The following ENOX2 variants were observed in gnomAD, a reference collection of about 807,000 sequenced individuals.
The protein encoded by ENOX2 is APK1 antigen.
A neutral mutation model predicts 45.0 loss-of-function variants in ENOX2; 36 were observed. That is an observed-to-expected ratio of 0.80 (90% CI 0.61 to 1.06). ENOX2 has a LOEUF of 1.06. Among genes scored for constraint, ENOX2 ranks in the 50% least tolerant of loss-of-function variants. ENOX2 has a pLI of 0.00. For missense variants in ENOX2, 423 were observed against 462.5 expected, an observed-to-expected ratio of 0.91 and a Z score of 0.78; for synonymous variants, 174 against 152.3, an observed-to-expected ratio of 1.14 and a Z score of -1.05.
At chrX:130,673,551 T>C (rs182587592) in intron 6 of ENOX2, among the ~76,000 whole-genome samples, 1 of 108,115 alleles carries the variant, frequency 9.2e-6, no homozygotes, top group African/African-American at 3.4e-5. Flanking sequence ...GAAGCTTTAA[T>C]AACAGGCTAT....
chrX:130,893,678 G>T (rs753733973), intron 2 of ENOX2, among the ~76,000 whole-genome samples: 1 of 112,407 alleles, frequency 8.9e-6, no homozygotes, highest in Admixed American at 9.4e-5. Context: ...GGTACAATTT[G>T]TTTGGGCACA....
At chrX:130,846,189 G>A (rs1396559009) in intron 2 of ENOX2, among the ~76,000 whole-genome samples, 2 of 111,516 alleles carry the variant, frequency 1.8e-5, no homozygotes, top group Non-Finnish European at 3.8e-5. Context: ...GTCTAACAAA[G>A]GGGTCAGTCT....
At chrX:130,786,205 A>C (rs1249905912) in intron 2 of ENOX2, among the ~76,000 whole-genome samples, 1 of 111,815 alleles carries the variant, frequency 8.9e-6, no homozygotes, top group Non-Finnish European at 1.9e-5. Context: ...GACAGCTGAT[A>C]ATCAAGAATT....
chrX:130,731,681 C>T (rs1177220811), intron 3 of ENOX2, among the ~76,000 whole-genome samples: 3 of 111,939 alleles, frequency 2.7e-5, no homozygotes, highest in African/African-American at 6.5e-5. Flanking sequence ...TGGGATTTAT[C>T]CCTAGGATAC....
chrX:130,730,694 C>T (rs1231890854), intron 3 of ENOX2, among the ~76,000 whole-genome samples: 1 of 105,364 alleles, frequency 9.5e-6, no homozygotes, highest in African/African-American at 3.5e-5. Flanking sequence ...TCAATCAATA[C>T]ATGCAAGATT....
chrX:130,810,496 C>T (rs990028108), intron 2 of ENOX2, among the ~76,000 whole-genome samples: 3 of 111,932 alleles, frequency 2.7e-5, no homozygotes, highest in Non-Finnish European at 3.8e-5. Flanking sequence ...TCTAGGACTG[C>T]CCAGTGCCAG....
intron 2 of ENOX2, among the ~76,000 whole-genome samples, chrX:130,846,576 A>T (rs1262271556): frequency 7.1e-5 from 8 of 112,001 alleles, no homozygotes. Context: ...ACCTCAGGTG[A>T]TCTGCTCGCA....
rs570735381 is a variant in ENOX2, at chrX:130,893,076, A to G, written c.-183+8608T>C. ...ATTCAACCACAAGTGTTTCAGAACAAAATAATTATAATTATATAGAAAAGT... is the reference window on the plus strand; with the variant it reads ...ATTCAACCACAAGTGTTTCAGAACAGAATAATTATAATTATATAGAAAAGT... On this transcript the variant is annotated intron_variant, in intron 2 of 14. Coordinates refer to ENST00000394363, the MANE Select transcript of ENOX2 (RefSeq NM_006375.4). Among the ~76,000 whole-genome samples the G allele has an allele frequency of 4.3e-4, 48 of 112,359 alleles. No individual in the cohort carries two copies. In the South Asian group the frequency reaches 0.015, roughly 35 times the overall value.
chrX:130,862,343 C>T (rs891887678), intron 2 of ENOX2, among the ~76,000 whole-genome samples: 8 of 110,946 alleles, frequency 7.2e-5, no homozygotes, highest in Non-Finnish European at 1.3e-4. Flanking sequence ...CCCAGATAGC[C>T]GCTTTCCTCC....
intron 2 of ENOX2, among the ~76,000 whole-genome samples, chrX:130,795,919 A>G (rs900733688): frequency 2.7e-5 from 3 of 110,843 alleles, no homozygotes; most frequent in Non-Finnish European, 3.8e-5. Context: ...CTCTCTCCAC[A>G]GGAGTACACA....
At chrX:130,898,961 G>A (rs2079103219) in intron 2 of ENOX2, among the ~76,000 whole-genome samples, 1 of 110,829 alleles carries the variant, frequency 9.0e-6, no homozygotes, top group African/African-American at 3.3e-5. Context: ...GAGTCTATGA[G>A]TAGGAGATGA....
rs917061641 is a variant in ENOX2 at position 130,622,899 on chromosome X, C to T, written c.*2415G>A. Among the ~76,000 whole-genome samples, 5 of 111,169 alleles carry T rather than the reference C, an allele frequency of 4.5e-5. No homozygotes were observed. The highest frequency in any genetic ancestry group is 9.6e-5 in the Admixed American group (1 of 10,391). ...CAAGTTAGAGATTTGTAGGGCAGGCCGGCAGGCTGGAAGTTCTGGCAGGAG... is the reference window on the plus strand; with the variant it reads ...CAAGTTAGAGATTTGTAGGGCAGGCTGGCAGGCTGGAAGTTCTGGCAGGAG... On this transcript the variant is annotated 3_prime_UTR_variant, in exon 15 of 15. Transcript: ENST00000394363.
intron 2 of ENOX2, among the ~76,000 whole-genome samples, chrX:130,787,121 T>C (rs2076982907): frequency 9.3e-6 from 1 of 107,691 alleles, no homozygotes; most frequent in African/African-American, 3.4e-5. Context: ...TGATATCTCA[T>C]AGTGGTTTTG....
At chrX:130,756,547 G>A (rs2039360155) in intron 3 of ENOX2, among the ~76,000 whole-genome samples, 1 of 111,967 alleles carries the variant, frequency 8.9e-6, no homozygotes, top group Non-Finnish European at 1.9e-5. Flanking sequence ...CTTGACTTTT[G>A]ATATTCACTG....
intron 2 of ENOX2, among the ~76,000 whole-genome samples, chrX:130,796,180 GA>G (rs1004629517): frequency 1.8e-5 from 2 of 110,247 alleles, no homozygotes; most frequent in African/African-American, 6.6e-5. Context: ...GCAGTGGGAT[GA>G]AAAAAAATGA....
intron 3 of ENOX2, among the ~76,000 whole-genome samples, chrX:130,712,873 T>G (rs2038229567): frequency 8.9e-6 from 1 of 111,880 alleles, no homozygotes; most frequent in Admixed American, 9.5e-5. Context: ...GTCGAATTCT[T>G]TCTTCTGAGG....
intron 3 of ENOX2, among the ~76,000 whole-genome samples, chrX:130,743,931 TA>T (rs1275749125): frequency 2.7e-5 from 3 of 112,087 alleles, no homozygotes; most frequent in African/African-American, 9.7e-5. Context: ...GAAGGCAGCT[TA>T]TGGTTCAATA....
At chrX:130,899,536 A>C (rs751492308) in intron 2 of ENOX2, among the ~76,000 whole-genome samples, 3 of 111,983 alleles carry the variant, frequency 2.7e-5, no homozygotes, top group African/African-American at 6.5e-5. Flanking sequence ...GTCCTGTGGA[A>C]GCCCGAGGCC....
At chrX:130,853,463 C>CAAAAA (rs754949787) in intron 2 of ENOX2, among the ~76,000 whole-genome samples, 41 of 27,820 alleles carry the variant, frequency 1.5e-3, no homozygotes, top group African/African-American at 2.9e-3. Flanking sequence ...GACTCCGTCT[C>CAAAAA]AAAAAAAAAA....
Sources: gnomAD v4.1 joint callset for allele counts (sites outside exome capture counted in the v4.1 genomes callset) on GRCh38, gnomAD v4.1.1 for gene constraint, MANE v1.5 for transcripts, NCBI Gene and HGNC (gene_info 2026-07-23, HGNC 2026-07-21) for gene names.